DYNC2I1: variants seen among roughly 807,000 people sequenced by gnomAD.
DYNC2I1 encodes dynein 2 intermediate chain 1.
DYNC2I1 carries 89 observed loss-of-function variants against 133.4 expected under a neutral mutation model. That is an observed-to-expected ratio of 0.67 (90% CI 0.56 to 0.80). The LOEUF is 0.80. Ranked by LOEUF, DYNC2I1 falls within the 30% of genes least tolerant of loss-of-function variation. The probability of loss-of-function intolerance (pLI) is 0.00; values close to 1 mark genes in which losing one functional copy is unlikely to be tolerated. For missense variants in DYNC2I1, 1,291 were observed against 1,314.5 expected (o/e 0.98, Z 0.28); for synonymous variants, 504 against 484.3 (o/e 1.04, Z -0.54).
At chr7:158,896,200 T>A (rs1845747309) in intron 8 of DYNC2I1, among the ~76,000 whole-genome samples, 1 of 152,232 alleles carries the variant, frequency 6.6e-6, no homozygotes, top group African/African-American at 2.4e-5. Context: ...AGTTTCTCAC[T>A]TAGGTATGAT....
chr7:158,901,920 C>T (rs1846296208), intron 9 of DYNC2I1, 104 bp downstream of exon 9: 2 of 884,776 alleles, frequency 2.3e-6, no homozygotes, highest in African/African-American at 3.5e-5. Context: ...TTTATTAATC[C>T]TAATACTCAA....
chr7:158,937,622 G>GAAAAAAAAAAAAAAAAAAAAAAAAAAAA lies in DYNC2I1; in HGVS notation c.2778+3086_2778+3087insAAAAAAAAAAAAAAAAAAAAAAAAAAAA, dbSNP rs71189438. ...GGGTGACAGGGTGAGACTGTCTCAAGAAAAAAAAAAAAAGACACAAGGCTG... is the reference window on the plus strand; with the variant it reads ...GGGTGACAGGGTGAGACTGTCTCAAGAAAAAAAAAAAAAAAAAAAAAAAAAAAAAAAAAAAAAAAAAGACACAAGGCTG... On this transcript the variant is annotated intron_variant, in intron 23 of 24. Coordinates refer to ENST00000407559, the MANE Select transcript of DYNC2I1 (RefSeq NM_018051.5). Among the ~76,000 whole-genome samples, 42 of 109,428 alleles carry GAAAAAAAAAAAAAAAAAAAAAAAAAAAA rather than the reference G, an allele frequency of 3.8e-4. 1 individual carries two copies. The highest frequency in any genetic ancestry group is 6.8e-4 in the Admixed American group (7 of 10,354). The allele number at this position is 109,428 out of a possible 152,430, so 71.8% of individuals were successfully genotyped here. A position where few individuals can be genotyped will look rare whatever the true frequency, so the allele number is the denominator to read the frequency against.
At chr7:158,880,038 G>A (rs374217297) in intron 5 of DYNC2I1, 49 bp downstream of exon 5, 52 of 1,531,292 alleles carry the variant, frequency 3.4e-5, no homozygotes, top group African/African-American at 9.8e-5. Flanking sequence ...CGAGGCCGGC[G>A]CTTTCAGAGG....
chr7:158,922,032 A>G (rs955088906), intron 15 of DYNC2I1, among the ~76,000 whole-genome samples: 3 of 152,180 alleles, frequency 2.0e-5, no homozygotes, highest in Admixed American at 2.0e-4. Flanking sequence ...AATGTTCTAA[A>G]GCAGAGGGGC....
At chr7:158,861,753 CAGCCAGGGCCT>C (rs1841886948) in intron 1 of DYNC2I1, among the ~76,000 whole-genome samples, 1 of 152,198 alleles carries the variant, frequency 6.6e-6, no homozygotes, top group South Asian at 2.1e-4. Context: ...GTGTGGTCAC[CAGCCAGGGCCT>C]AGGTGAGTGA....
At chr7:158,901,048 G>A (rs1846201319) in intron 8 of DYNC2I1, among the ~76,000 whole-genome samples, 1 of 152,040 alleles carries the variant, frequency 6.6e-6, no homozygotes, top group Admixed American at 6.6e-5. Flanking sequence ...TGCCATGTCT[G>A]GAACTGGTGC....
chr7:158,915,151 T>G (rs1212782961), intron 14 of DYNC2I1, among the ~76,000 whole-genome samples: 18 of 151,792 alleles, frequency 1.2e-4, no homozygotes, highest in African/African-American at 1.7e-4. Flanking sequence ...TAAGGATGAT[T>G]GTGAAATGTC....
chr7:158,899,417 T>C (rs1293371833), intron 8 of DYNC2I1, among the ~76,000 whole-genome samples: 1 of 152,204 alleles, frequency 6.6e-6, no homozygotes, highest in South Asian at 2.1e-4. Flanking sequence ...CAAACTGTTA[T>C]CTGTTAGATC....
chr7:158,892,589 G>C (rs1386741491), intron 8 of DYNC2I1, among the ~76,000 whole-genome samples: 1 of 151,862 alleles, frequency 6.6e-6, no homozygotes, highest in African/African-American at 2.4e-5. Context: ...TCATAGGCAT[G>C]AGACACTACT....
At position 158,871,155 on chromosome 7, in the gene DYNC2I1, G is replaced by T. The variant is rs1354494863; in HGVS notation, c.83G>T (p.Gly28Val). 2 of 1,613,002 alleles carry T rather than the reference G, an allele frequency of 1.2e-6. No individual in the cohort carries two copies. Among genetic ancestry groups the T allele is most frequent in the African/African-American group, 1.3e-5 (1 of 74,852 alleles). Residue 28 changes from glycine to valine, a missense_variant, in exon 3 of 25, where the codon GGT (glycine) becomes GTT (valine). Transcript: ENST00000407559. ...LRKHLWAIQS[G>V]GSKEERKHRE... is the part of the protein sequence containing the mutation. ...CTCTTGTTTCAGGCCATACAGTCAG[G>T]TGGTTCCAAGGAAGAAAGAAAGCAC... is the stretch of plus-strand genomic sequence containing the variant.
rs587777065 is a variant in DYNC2I1, at chr7:158,923,722, C to T, written c.2246C>T (p.Thr749Met). 26 of 1,610,156 alleles carry T rather than the reference C, an allele frequency of 1.6e-5. No individual in the cohort carries two copies. Among genetic ancestry groups the T allele is most frequent in the African/African-American group, 4.0e-5 (3 of 74,838 alleles). ...SDGFWTFRTA[T>M]FSTDGILTSV... is the part of the protein sequence containing the mutation. ...GGCTTCTGGACGTTCCGGACCGCCA[C>T]GTTTTCCACCGGTCAGTGTCATCTG... Residue 749 changes from threonine (T) to methionine (M), a missense_variant, in exon 17 of 25, where the codon ACG (threonine) becomes ATG (methionine). Transcript: ENST00000407559.
At chr7:158,858,256 T>G (rs1467800019) in intron 1 of DYNC2I1, among the ~76,000 whole-genome samples, 1 of 152,238 alleles carries the variant, frequency 6.6e-6, no homozygotes. Context: ...GTCCGTGATT[T>G]GTTTATAGGT....
the DYNC2I1 span, among the ~76,000 whole-genome samples, chr7:158,846,056 T>C: frequency 1.3e-5 from 2 of 152,136 alleles, no homozygotes; most frequent in South Asian, 4.1e-4. Context: ...GACTAGGAGT[T>C]CGAGACTAGC....
chr7:158,892,856 T>C (rs557595531), intron 8 of DYNC2I1, among the ~76,000 whole-genome samples: 1 of 150,844 alleles, frequency 6.6e-6, no homozygotes, highest in East Asian at 2.0e-4. Flanking sequence ...CAGAATTGCT[T>C]GAACCCAGGA....
At position 158,926,241 on chromosome 7, in the gene DYNC2I1, T is replaced by C. The variant is rs1236283474; in HGVS notation, c.2312T>C (p.Ile771Thr). Residue 771 changes from isoleucine (I) to threonine (T), a missense_variant, in exon 18 of 25, where the codon ATC becomes ACC. By Grantham distance (89) the Ile-to-Thr change is moderately conservative. Transcript: ENST00000407559. ...HRSPLQAVEP[I>T]STSVHKKQSF... ...AGCCCTCTTCAAGCAGTAGAACCTA[T>C]CTCAACGTCCGTCCACAAAAAGCAG... 13 of 1,613,652 alleles carry C rather than the reference T, an allele frequency of 8.1e-6. No individual in the cohort carries two copies. In the South Asian group the frequency reaches 1.3e-4, roughly 16 times the overall value.
intron 14 of DYNC2I1, among the ~76,000 whole-genome samples, chr7:158,917,233 AAATGTTGACACGCTCGTTGACATTAAG>A (rs1848485730): frequency 8.4e-6 from 1 of 119,268 alleles, no homozygotes; most frequent in Non-Finnish European, 1.9e-5. Context: ...GATGATTGTG[AAATGTTGACACGCTCGTTGACATTAAG>A]GATGATTGTG....
At chr7:158,923,793 A>G in intron 17 of DYNC2I1, 60 bp downstream of exon 17, 2 of 1,562,654 alleles carry the variant, frequency 1.3e-6, no homozygotes, top group Non-Finnish European at 1.7e-6. Flanking sequence ...GATTTGAGGA[A>G]CAAAGCTTTA....
upstream of DYNC2I1, among the ~76,000 whole-genome samples, chr7:158,852,429 T>C (rs1004067296): frequency 8.6e-5 from 13 of 150,918 alleles, no homozygotes; most frequent in African/African-American, 2.9e-4. Flanking sequence ...CTGTAAGCGC[T>C]GGTTTTGAGG....
At chr7:158,865,251 T>C (rs1339721236) in intron 1 of DYNC2I1, among the ~76,000 whole-genome samples, 1 of 152,110 alleles carries the variant, frequency 6.6e-6, no homozygotes, top group Non-Finnish European at 1.5e-5. Context: ...GATTTCAGGA[T>C]GAGATGAGAG....
Sources: allele counts gnomAD v4.1 joint callset (sites outside exome capture counted in the v4.1 genomes callset), GRCh38; gene constraint gnomAD v4.1.1; transcripts MANE v1.5; gene names NCBI Gene and HGNC (gene_info 2026-07-23, HGNC 2026-07-21).